RNF180: variants seen among roughly 807,000 people sequenced by gnomAD.
The protein encoded by RNF180 is E3 ubiquitin-protein ligase RNF180.
In RNF180, 38 loss-of-function variants were observed where a neutral mutation model predicts 59.2. The observed-to-expected ratio is 0.64, with a 90% CI of 0.50 to 0.84. The LOEUF is 0.84. Among genes scored for constraint, RNF180 ranks in the 40% least tolerant of loss-of-function variants. RNF180 has a pLI of 0.00. For synonymous variants in RNF180, 262 were observed against 240.3 expected (o/e 1.09, Z -0.84); for missense variants, 705 against 700.9 (o/e 1.01, Z -0.07).
In RNF180 at chr5:64,372,173, T is replaced by G. The variant is rs1746679231; in HGVS notation, c.*2359T>G. 1 of 151,760 alleles carries G rather than the reference T, an allele frequency of 6.6e-6. No individual in the cohort carries two copies. The highest frequency in any genetic ancestry group is 2.4e-5 in the African/African-American group (1 of 41,362). The allele number at this position is 151,760 out of a possible 1,614,324, so 9.4% of individuals were successfully genotyped here. ...ATGGTAAAGGTTAATTTTAAACATG[T>G]TCACACATTCTTTTTTAAAAAAATG... On this transcript the variant is annotated 3_prime_UTR_variant, in exon 8 of 8. Coordinates refer to ENST00000389100, the MANE Select transcript of RNF180 (RefSeq NM_001113561.2).
chr5:64,213,911 C>G lies in RNF180; in HGVS notation c.585C>G (p.Asn195Lys), dbSNP rs200527311. ...EVRPTYFEMK[N>K]EKLLSKASEP... ...GACCAACATATTTTGAGATGAAGAACGAAAAACTGCTGTCCAAAGCATCAG... is the reference window on the plus strand; with the variant it reads ...GACCAACATATTTTGAGATGAAGAAGGAAAAACTGCTGTCCAAAGCATCAG... The change falls in exon 4 of 8, where the codon AAC (asparagine) becomes AAG (lysine). Residue 195 changes from asparagine (N) to lysine (K), a missense_variant. Coordinates refer to ENST00000389100, the MANE Select transcript of RNF180 (RefSeq NM_001113561.2). 4 of 1,614,018 alleles carry G rather than the reference C, an allele frequency of 2.5e-6. No homozygotes were observed. The South Asian group carries it at 4.4e-5, about 18-fold the overall frequency.
At chr5:64,189,208 G>C (rs1337208602) in intron 1 of RNF180, among the ~76,000 whole-genome samples, 2 of 151,972 alleles carry the variant, frequency 1.3e-5, no homozygotes, top group Non-Finnish European at 2.9e-5. Flanking sequence ...TGTTATGGTA[G>C]CCCAAGCAGA....
chr5:64,256,629 G>T (rs1743983649), intron 5 of RNF180, among the ~76,000 whole-genome samples: 1 of 152,188 alleles, frequency 6.6e-6, no homozygotes, highest in South Asian at 2.1e-4. Flanking sequence ...TTGAATTCAG[G>T]TAGCGTGATG....
At chr5:64,174,416 C>T (rs1275831708) in intron 1 of RNF180, among the ~76,000 whole-genome samples, 3 of 152,164 alleles carry the variant, frequency 2.0e-5, no homozygotes, top group Non-Finnish European at 4.4e-5. Context: ...AATTTACATT[C>T]CCACCAACAG....
chr5:64,166,908 T>G (rs1249185290), intron 1 of RNF180, among the ~76,000 whole-genome samples: 2 of 152,268 alleles, frequency 1.3e-5, no homozygotes, highest in Non-Finnish European at 2.9e-5. Context: ...ATGCTCATTG[T>G]ATTTTTATAT....
At chr5:64,331,662 C>T (rs1744913684) in intron 7 of RNF180, among the ~76,000 whole-genome samples, 1 of 152,162 alleles carries the variant, frequency 6.6e-6, no homozygotes, top group Non-Finnish European at 1.5e-5. Context: ...CTGCATACCT[C>T]ATTCCTCCTG....
chr5:64,212,259 A>G, intron 3 of RNF180, 99 bp downstream of exon 3: 1 of 701,704 alleles, frequency 1.4e-6, no homozygotes, highest in South Asian at 1.6e-5. Context: ...TTCCTTGGCC[A>G]ACCTCTTACT....
At chr5:64,289,036 AT>A (rs1384320364) in intron 5 of RNF180, among the ~76,000 whole-genome samples, 1 of 152,136 alleles carries the variant, frequency 6.6e-6, no homozygotes, top group Non-Finnish European at 1.5e-5. Flanking sequence ...TTTGTCATAT[AT>A]CGCTCTTATT....
chr5:64,313,063 T>A (rs1036163643), intron 5 of RNF180, among the ~76,000 whole-genome samples: 1 of 152,156 alleles, frequency 6.6e-6, no homozygotes, highest in Admixed American at 6.6e-5. Flanking sequence ...ATGTACATAG[T>A]AAGATATCTT....
At position 64,371,620 on chromosome 5, in the gene RNF180, A is replaced by G. The variant is rs919293131; in HGVS notation, c.*1806A>G. On this transcript the variant is annotated 3_prime_UTR_variant, in exon 8 of 8. Coordinates refer to ENST00000389100, the MANE Select transcript of RNF180 (RefSeq NM_001113561.2). ...TACTAAATATTTATGATACCCTTAAATAAACATGAACCTTTAAATGAAGAA... is the reference window on the plus strand; with the variant it reads ...TACTAAATATTTATGATACCCTTAAGTAAACATGAACCTTTAAATGAAGAA... 6.6e-6 allele frequency: 1 copy of G among 151,606 alleles called. No individual in the cohort carries two copies. The highest frequency in any genetic ancestry group is 1.5e-5 in the Non-Finnish European group (1 of 67,670). The allele number at this position is 151,606 out of a possible 1,614,324, so 9.4% of individuals were successfully genotyped here.
intron 5 of RNF180, among the ~76,000 whole-genome samples, chr5:64,291,342 C>G (rs1388211888): frequency 2.0e-5 from 3 of 148,274 alleles, no homozygotes; most frequent in Non-Finnish European, 4.4e-5. Flanking sequence ...CTGGGGTTCT[C>G]TGGATTTCCT....
intron 7 of RNF180, among the ~76,000 whole-genome samples, chr5:64,348,681 T>TA (rs1482367316): frequency 1.3e-5 from 2 of 152,086 alleles, no homozygotes; most frequent in East Asian, 3.9e-4. Context: ...ATTAAATTAA[T>TA]GGAGTCTGAT....
chr5:64,249,439 A>G (rs1743418782), intron 5 of RNF180, among the ~76,000 whole-genome samples: 1 of 152,134 alleles, frequency 6.6e-6, no homozygotes, highest in Non-Finnish European at 1.5e-5. Flanking sequence ...AAAATACACT[A>G]TTGTGAATAC....
At chr5:64,361,282 A>AG in intron 7 of RNF180, among the ~76,000 whole-genome samples, 1 of 151,180 alleles carries the variant, frequency 6.6e-6, no homozygotes, top group South Asian at 2.1e-4. Flanking sequence ...CCAGTATTAA[A>AG]GACATATGGA....
chr5:64,243,683 C>A (rs1742967652), intron 5 of RNF180, among the ~76,000 whole-genome samples: 1 of 152,166 alleles, frequency 6.6e-6, no homozygotes, highest in African/African-American at 2.4e-5. Context: ...CTGAAACGTT[C>A]CTGCCTGCCA....
intron 2 of RNF180, among the ~76,000 whole-genome samples, chr5:64,208,630 CA>C (rs1444164672): frequency 6.6e-6 from 1 of 151,898 alleles, no homozygotes; most frequent in Non-Finnish European, 1.5e-5. Flanking sequence ...TTGGTAAATA[CA>C]GGTGAAAGTA....
chr5:64,199,468 A>G (rs901349066), intron 1 of RNF180, among the ~76,000 whole-genome samples: 1 of 152,192 alleles, frequency 6.6e-6, no homozygotes, highest in African/African-American at 2.4e-5. Context: ...AAAAATTTCT[A>G]GGAGTGGGTC....
chr5:64,213,546 T>C lies in RNF180; in HGVS notation c.232-12T>C, dbSNP rs764421850. 3 of 1,592,630 alleles carry C rather than the reference T, an allele frequency of 1.9e-6. No homozygotes were observed. Among genetic ancestry groups the C allele is most frequent in the South Asian group, 2.2e-5 (2 of 89,732 alleles). On this transcript the variant is annotated splice_polypyrimidine_tract_variant and intron_variant, in intron 3 of 7. Transcript: ENST00000389100. ...TGAAAGCACTGTCTTTATTCTTCTTTATTACCTGTAGGCCCAGTGGACAGT... is the reference window on the plus strand; with the variant it reads ...TGAAAGCACTGTCTTTATTCTTCTTCATTACCTGTAGGCCCAGTGGACAGT...
chr5:64,329,292 C>T (rs1348715), intron 6 of RNF180, among the ~76,000 whole-genome samples: 68,174 of 151,834 alleles, frequency 0.45, 16,711 homozygotes, highest in African/African-American at 0.65. Context: ...CTTTTTTGTC[C>T]ACCTGTTTAT....
Sources: gnomAD v4.1 joint callset for allele counts (sites outside exome capture counted in the v4.1 genomes callset) on GRCh38, gnomAD v4.1.1 for gene constraint, MANE v1.5 for transcripts, NCBI Gene and HGNC (gene_info 2026-07-23, HGNC 2026-07-21) for gene names.